GYS1: variants seen among roughly 807,000 people sequenced by gnomAD.
GYS1 encodes glycogen [starch] synthase, muscle.
A neutral mutation model predicts 89.1 loss-of-function variants in GYS1; 60 were observed. The observed-to-expected ratio is 0.67, with a 90% confidence interval of 0.55 to 0.84. The LOEUF (loss-of-function observed/expected upper bound fraction) is 0.84, where lower values mean the gene tolerates loss of function less well. GYS1 is among the 40% of genes least tolerant of loss of function. The probability of loss-of-function intolerance (pLI) is 0.00; values close to 1 mark genes in which losing one functional copy is unlikely to be tolerated. For synonymous variants in GYS1, 366 were observed against 401.7 expected, an observed-to-expected ratio of 0.91 and a Z score of 1.06; for missense variants, 888 against 1,003.1, an observed-to-expected ratio of 0.89 and a Z score of 1.55.
At chr19:48,983,426 A>G (rs778552870) in intron 5 of GYS1, among the ~76,000 whole-genome samples, 9 of 152,184 alleles carry the variant, frequency 5.9e-5, no homozygotes, top group Non-Finnish European at 1.0e-4. Flanking sequence ...CACACTGGTG[A>G]TTCTGGGAAA....
chr19:48,973,284 G>A (rs1600133319), intron 12 of GYS1, among the ~76,000 whole-genome samples: 1 of 151,850 alleles, frequency 6.6e-6, no homozygotes, highest in Middle Eastern at 3.4e-3. Flanking sequence ...GTGGAACGGT[G>A]AGTCAATTAC....
At position 48,978,084 on chromosome 19, in the gene GYS1, G is replaced by C; in HGVS notation, c.1229+14C>G. 6.2e-7 allele frequency: 1 copy of C among 1,612,464 alleles called. No homozygotes were observed. ...GGGCCTAGGAGGGCACAGGGCTGAGGGTGGGGCACTCACACCAGTAAGGAT... is the reference window on the plus strand; with the variant it reads ...GGGCCTAGGAGGGCACAGGGCTGAGCGTGGGGCACTCACACCAGTAAGGAT... On this transcript the variant is annotated intron_variant, in intron 9 of 15. Coordinates refer to ENST00000323798, the MANE Select transcript of GYS1 (RefSeq NM_002103.5).
At position 48,970,537 on chromosome 19, in the gene GYS1, G is replaced by A; in HGVS notation, c.1809+9C>T. ...TTGCCAGGAGAGGATAGGAAAGTGGGGGTCCTACCCGGCCTAGGTATTTCC... is the reference window on the plus strand; with the variant it reads ...TTGCCAGGAGAGGATAGGAAAGTGGAGGTCCTACCCGGCCTAGGTATTTCC... On this transcript the variant is annotated intron_variant, in intron 14 of 15. Coordinates refer to ENST00000323798, the MANE Select transcript of GYS1 (RefSeq NM_002103.5). 6.2e-7 allele frequency: 1 copy of A among 1,612,572 alleles called. No homozygotes were observed. Among genetic ancestry groups the A allele is most frequent in the Non-Finnish European group, 8.5e-7 (1 of 1,179,246 alleles).
intron 7 of GYS1, among the ~76,000 whole-genome samples, chr19:48,982,005 C>A (rs938324481): frequency 1.3e-5 from 2 of 152,038 alleles, no homozygotes; most frequent in African/African-American, 4.8e-5. Context: ...TGATCCTCCC[C>A]GTTCACCCTC....
In GYS1 at chr19:48,985,473, T is replaced by C; in HGVS notation, c.811A>G (p.Lys271Glu). The C allele has an allele frequency of 6.2e-7, 1 of 1,613,868 alleles. No homozygotes were observed. Among genetic ancestry groups the C allele is most frequent in the South Asian group, 1.1e-5 (1 of 91,088 alleles). Residue 271 changes from lysine to glutamate, a missense_variant, in exon 5 of 16, where the codon AAG becomes GAG. Physicochemically the swap from Lys to Glu is moderately conservative, Grantham distance 56. Coordinates refer to ENST00000323798, the MANE Select transcript of GYS1 (RefSeq NM_002103.5). ...ITAIEAQHLLKRKPDIVTPNG... is the reference protein window; with the variant it reads ...ITAIEAQHLLERKPDIVTPNG... ...GCCCAGCCCCTACCTGGTTTCCTCT[T>C]GAGCAAGTGCTGTGCCTCGATGGCG... is the stretch of plus-strand genomic sequence containing the variant.
At chr19:48,970,204 A>C (rs1184796551) in intron 14 of GYS1, 6 of 456,922 alleles carry the variant, frequency 1.3e-5, no homozygotes, top group Non-Finnish European at 2.4e-5. Flanking sequence ...GGCTCACTGC[A>C]GCCTCAACCT....
In GYS1 at chr19:48,969,378, G is replaced by C. The variant is rs1262661557; in HGVS notation, c.2124C>G (p.Arg708=). The C allele has an allele frequency of 6.4e-7, 1 of 1,574,792 alleles. No homozygotes were observed. Among genetic ancestry groups the C allele is most frequent in the East Asian group, 2.3e-5 (1 of 42,814 alleles). ...TGGAGGTGGCCGTGTCCACAGAGTT[G>C]CGCTTGCTGCCGCTGGTGGAGGAGG... The part of the protein sequence containing the change: ...SCTSSTSGSK[R]NSVDTATSSS... Residue 708 remains arginine (R), a synonymous_variant, in exon 16 of 16, where the codon CGC becomes CGG. Coordinates refer to ENST00000323798, the MANE Select transcript of GYS1 (RefSeq NM_002103.5).
intron 15 of GYS1, 69 bp downstream of exon 15, chr19:48,969,706 A>G: frequency 5.7e-6 from 9 of 1,577,514 alleles, no homozygotes; most frequent in Non-Finnish European, 7.8e-6. Flanking sequence ...CCACTCCAGG[A>G]GGGACCCCCA....
chr19:48,990,097 G>A (rs552137261), intron 2 of GYS1, among the ~76,000 whole-genome samples: 1 of 151,014 alleles, frequency 6.6e-6, no homozygotes, highest in East Asian at 2.0e-4. Flanking sequence ...GGACACAGTC[G>A]GACCTGAATG....
chr19:48,978,439 G>A (rs769070147), intron 8 of GYS1, among the ~76,000 whole-genome samples: 12 of 151,690 alleles, frequency 7.9e-5, no homozygotes, highest in Non-Finnish European at 1.5e-4. Flanking sequence ...TGGTCAGGCT[G>A]GTCTCAAACT....
chr19:48,968,680 T>A lies in GYS1; in HGVS notation c.*608A>T. On this transcript the variant is annotated 3_prime_UTR_variant, in exon 16 of 16. Transcript: ENST00000323798. ...AGTGTAGGGGATGACAGGAGCCGGA[T>A]GGAGGGATCCTCCAGGCAGAGCCTG... The A allele has an allele frequency of 6.6e-6, 3 of 454,124 alleles. No homozygotes were observed. The highest frequency in any genetic ancestry group is 4.7e-5 in the South Asian group (3 of 64,476). The allele number at this position is 454,124 out of a possible 1,614,324, so 28.1% of individuals were successfully genotyped here.
rs1272024674 is a variant in GYS1 at position 48,968,479 on chromosome 19, C to G, written c.*809G>C. ...AAGCCAGGTTAGGGGTGGGGGAAGA[C>G]AGCCAGCTCTGTCCTCTGCAGGCGG... On this transcript the variant is annotated 3_prime_UTR_variant, in exon 16 of 16. Transcript: ENST00000323798. 1.1e-5 allele frequency: 5 copies of G among 454,452 alleles called. No individual in the cohort carries two copies. The highest frequency in any genetic ancestry group is 4.0e-5 in the African/African-American group (2 of 50,016). 28.2% of individuals were successfully genotyped at this position (454,452 alleles called of 1,614,324 possible).
At chr19:48,989,029 C>T (rs972732905) in intron 2 of GYS1, among the ~76,000 whole-genome samples, 2 of 151,948 alleles carry the variant, frequency 1.3e-5, no homozygotes, top group African/African-American at 4.8e-5. Context: ...AGTCCACAGC[C>T]TCCTTCCTTC....
At position 48,969,527 on chromosome 19, in the gene GYS1, C is replaced by T. The variant is rs1378085239; in HGVS notation, c.1975G>A (p.Asp659Asn). 12 of 1,542,922 alleles carry T rather than the reference C, an allele frequency of 7.8e-6. No individual in the cohort carries two copies. Among genetic ancestry groups the T allele is most frequent in the Non-Finnish European group, 1.0e-5 (12 of 1,146,904 alleles). The change falls in exon 16 of 16, where the codon GAC becomes AAC. Residue 659 changes from aspartate to asparagine, a missense_variant. Coordinates refer to ENST00000323798, the MANE Select transcript of GYS1 (RefSeq NM_002103.5). The part of the protein sequence containing the change: ...SRHSSPHQSE[D>N]EEDPRNGPLE... ...GGCCCGTTCCGGGGATCCTCCTCGT[C>T]CTCACTCTGGTGCGGGCTGGAGTGT...
chr19:48,969,826 C>A lies in GYS1; in HGVS notation c.1839G>T (p.Leu613=). The change falls in exon 15 of 16, where the codon CTG becomes CTT. Residue 613 remains leucine (L), a synonymous_variant. Coordinates refer to ENST00000323798, the MANE Select transcript of GYS1 (RefSeq NM_002103.5). ...TGAAGTGCTCTGGAAAGGCCTTGGA[C>A]AGCGCCATGTGGCGCGCAGACATAT... is the stretch of plus-strand genomic sequence containing the variant. ...RYYMSARHMA[L]SKAFPEHFTY... is the part of the protein sequence containing the mutation. The A allele has an allele frequency of 6.2e-7, 1 of 1,613,914 alleles. No individual in the cohort carries two copies. Among genetic ancestry groups the A allele is most frequent in the Non-Finnish European group, 8.5e-7 (1 of 1,179,946 alleles).
chr19:48,975,759 C>T (rs2038636303), intron 10 of GYS1, among the ~76,000 whole-genome samples: 1 of 151,704 alleles, frequency 6.6e-6, no homozygotes, highest in South Asian at 2.1e-4. Context: ...AACCCCGTCT[C>T]TACTAAAAAT....
In GYS1 at chr19:48,987,294, C is replaced by G. The variant is rs1171025630; in HGVS notation, c.392G>C (p.Gly131Ala). 2 of 1,612,768 alleles carry G rather than the reference C, an allele frequency of 1.2e-6. No homozygotes were observed. Among genetic ancestry groups the G allele is most frequent in the East Asian group, 2.2e-5 (1 of 44,846 alleles). ...ASAWALERWKGELWDTCNIGV... is the reference protein window; with the variant it reads ...ASAWALERWKAELWDTCNIGV... ...GATGTTGCAGGTATCCCAGAGCTCTCCCTTCCAGCGCTCCAGGGCCCAAGC... is the reference window on the plus strand; with the variant it reads ...GATGTTGCAGGTATCCCAGAGCTCTGCCTTCCAGCGCTCCAGGGCCCAAGC... Residue 131 changes from glycine to alanine, a missense_variant, in exon 3 of 16, where the codon GGA becomes GCA. Transcript: ENST00000323798.
intron 12 of GYS1, among the ~76,000 whole-genome samples, chr19:48,972,899 G>T (rs1323062586): frequency 6.6e-6 from 1 of 152,126 alleles, no homozygotes; most frequent in Admixed American, 6.6e-5. Flanking sequence ...TACTCAAGAG[G>T]CTGAGGCAGA....
chr19:48,978,374 A>C lies in GYS1; in HGVS notation c.1170-217T>G, dbSNP rs8107231. On this transcript the variant is annotated intron_variant, in intron 8 of 15. Transcript: ENST00000323798. ...CCGAGTAGCTGGGATTACAGGCATGAGCCACCGCGCCCGGCTAATTTTCTA... is the reference window on the plus strand; with the variant it reads ...CCGAGTAGCTGGGATTACAGGCATGCGCCACCGCGCCCGGCTAATTTTCTA... 207,748 of 552,600 alleles carry C rather than the reference A, an allele frequency of 0.38. 40,217 individuals carry two copies. The highest frequency in any genetic ancestry group is 0.54 in the East Asian group (15,293 of 28,534). The allele number at this position is 552,600 out of a possible 1,614,324, so 34.2% of individuals were successfully genotyped here.
Sources: allele counts gnomAD v4.1 joint callset (sites outside exome capture counted in the v4.1 genomes callset), GRCh38; gene constraint gnomAD v4.1.1; transcripts MANE v1.5; gene names NCBI Gene and HGNC (gene_info 2026-07-23, HGNC 2026-07-21).